Variants in SGCZ observed in about 807,000 individuals in gnomAD.
SGCZ encodes the protein sarcoglycan zeta.
SGCZ carries 40 observed loss-of-function variants against 41.3 expected under a neutral mutation model. The observed-to-expected ratio is 0.97, with a 90% CI of 0.75 to 1.26. The LOEUF is 1.26. SGCZ is among the 50% of genes most tolerant of loss of function. The pLI, the probability that SGCZ is intolerant of heterozygous loss-of-function variation, is 0.00. For synonymous variants in SGCZ, 206 were observed against 137.5 expected (o/e 1.50, Z -3.49); for missense variants, 552 against 369.8 (o/e 1.49, Z -4.04).
chr8:14,499,801 C>G (rs560452836), intron 2 of SGCZ, among the ~76,000 whole-genome samples: 1 of 151,944 alleles, frequency 6.6e-6, no homozygotes, highest in Non-Finnish European at 1.5e-5. Flanking sequence ...TTTGGCATCC[C>G]CTAGCTTCCA....
intron 2 of SGCZ, among the ~76,000 whole-genome samples, chr8:14,401,556 C>A (rs55676353): frequency 0.053 from 7,974 of 149,278 alleles, 653 homozygotes; most frequent in African/African-American, 0.17. Flanking sequence ...TTTGTTCTTG[C>A]GATAGTTTAC....
At chr8:14,289,969 G>A (rs948342257) in intron 3 of SGCZ, among the ~76,000 whole-genome samples, 64 of 151,794 alleles carry the variant, frequency 4.2e-4, no homozygotes, top group East Asian at 1.4e-3. Context: ...AGTGAGTGGC[G>A]AACCACCAGA....
intron 1 of SGCZ, among the ~76,000 whole-genome samples, chr8:15,167,400 C>T (rs758945741): frequency 6.6e-6 from 1 of 152,090 alleles, no homozygotes; most frequent in African/African-American, 2.4e-5. Context: ...TCAGTAAAGA[C>T]TGTCACTTTC....
intron 3 of SGCZ, among the ~76,000 whole-genome samples, chr8:14,315,660 T>G (rs1801690398): frequency 6.6e-6 from 1 of 152,126 alleles, no homozygotes; most frequent in East Asian, 1.9e-4. Flanking sequence ...CACTTGATAA[T>G]AACTTCAAGG....
chr8:14,586,895 A>G (rs948285284), intron 1 of SGCZ, among the ~76,000 whole-genome samples: 6 of 152,318 alleles, frequency 3.9e-5, no homozygotes, highest in African/African-American at 9.6e-5. Flanking sequence ...AGATTAATAA[A>G]GTTCGTAGTG....
intron 1 of SGCZ, among the ~76,000 whole-genome samples, chr8:14,656,968 T>A (rs1220521243): frequency 6.6e-6 from 1 of 151,990 alleles, no homozygotes; most frequent in Non-Finnish European, 1.5e-5. Flanking sequence ...AGAAGACATA[T>A]AAACTCTATT....
intron 1 of SGCZ, among the ~76,000 whole-genome samples, chr8:15,035,890 A>C (rs1265987092): frequency 6.6e-6 from 1 of 152,166 alleles, no homozygotes; most frequent in East Asian, 1.9e-4. Context: ...TAACAGCATG[A>C]GAACTTTAAT....
chr8:15,033,880 C>T lies in SGCZ; in HGVS notation c.39+203705G>A, dbSNP rs371583833. Among the ~76,000 whole-genome samples, 14 of 152,272 alleles carry T rather than the reference C, an allele frequency of 9.2e-5. No individual in the cohort carries two copies. In the East Asian group the frequency reaches 1.9e-3, roughly 21 times the overall value. ...CCCACAGACCCATCAGACCAACCTC[C>T]AAAGGACTCCCACATCAAGCCAGCA... On this transcript the variant is annotated intron_variant, in intron 1 of 7. Coordinates refer to ENST00000382080, the MANE Select transcript of SGCZ (RefSeq NM_139167.4).
At chr8:14,482,535 C>T (rs5023502) in intron 2 of SGCZ, among the ~76,000 whole-genome samples, 1 of 152,038 alleles carries the variant, frequency 6.6e-6, no homozygotes, top group Non-Finnish European at 1.5e-5. Context: ...AGAGTCTTTT[C>T]TTGCTTGATT....
At chr8:14,413,719 CTTCT>C (rs1419339821) in intron 2 of SGCZ, among the ~76,000 whole-genome samples, 14 of 152,044 alleles carry the variant, frequency 9.2e-5, no homozygotes, top group African/African-American at 3.4e-4. Context: ...AAAATTGCAT[CTTCT>C]TTGTCTATGC....
At chr8:14,784,971 T>C (rs1164042870) in intron 1 of SGCZ, among the ~76,000 whole-genome samples, 3 of 141,254 alleles carry the variant, frequency 2.1e-5, no homozygotes, top group African/African-American at 7.8e-5. Context: ...ATATATAATA[T>C]ATATATTTTT....
At chr8:14,527,561 A>C (rs1212587679) in intron 2 of SGCZ, among the ~76,000 whole-genome samples, 1 of 152,124 alleles carries the variant, frequency 6.6e-6, no homozygotes, top group Non-Finnish European at 1.5e-5. Context: ...AAAAAACATC[A>C]ATAGCCCTTA....
intron 4 of SGCZ, among the ~76,000 whole-genome samples, chr8:14,166,061 T>C (rs112026428): frequency 2.0e-5 from 3 of 152,250 alleles, no homozygotes; most frequent in African/African-American, 7.2e-5. Context: ...CATATGTATT[T>C]TTTTTAATAT....
At chr8:14,146,864 T>C (rs1350519233) in intron 5 of SGCZ, among the ~76,000 whole-genome samples, 1 of 109,252 alleles carries the variant, frequency 9.2e-6, no homozygotes, top group African/African-American at 4.0e-5. Context: ...AGAGCGAGAC[T>C]CCGTCTCAAA....
At chr8:14,296,002 C>T (rs865956384) in intron 3 of SGCZ, among the ~76,000 whole-genome samples, 3 of 152,148 alleles carry the variant, frequency 2.0e-5, no homozygotes, top group South Asian at 4.1e-4. Flanking sequence ...CAGTCAGATA[C>T]TGCTGGTAGT....
intron 1 of SGCZ, among the ~76,000 whole-genome samples, chr8:14,773,535 T>C (rs1364679680): frequency 6.6e-6 from 1 of 152,238 alleles, no homozygotes; most frequent in Non-Finnish European, 1.5e-5. Context: ...TCTCCCATTC[T>C]GGGGACAGAG....
At chr8:14,387,946 T>C (rs911122500) in intron 2 of SGCZ, among the ~76,000 whole-genome samples, 17 of 152,090 alleles carry the variant, frequency 1.1e-4, no homozygotes, top group African/African-American at 4.1e-4. Flanking sequence ...AATGGAAAGA[T>C]GAAAGTGGCT....
chr8:14,380,004 T>A (rs1029606669), intron 2 of SGCZ, among the ~76,000 whole-genome samples: 1 of 152,188 alleles, frequency 6.6e-6, no homozygotes, highest in Non-Finnish European at 1.5e-5. Flanking sequence ...AGTGCTGGGA[T>A]TACAGGTGTG....
At chr8:14,692,935 G>T (rs1291764509) in intron 1 of SGCZ, among the ~76,000 whole-genome samples, 1 of 152,126 alleles carries the variant, frequency 6.6e-6, no homozygotes, top group African/African-American at 2.4e-5. Flanking sequence ...TATTTACTTC[G>T]ATTGGCTTTC....
Sources: allele counts gnomAD v4.1 joint callset (sites outside exome capture counted in the v4.1 genomes callset), GRCh38; gene constraint gnomAD v4.1.1; transcripts MANE v1.5; gene names NCBI Gene and HGNC (gene_info 2026-07-23, HGNC 2026-07-21).